GRIP1: variants seen among roughly 807,000 people sequenced by gnomAD.
GRIP1 encodes the protein glutamate receptor-interacting protein 1.
GRIP1 carries 45 observed loss-of-function variants against 129.9 expected under a neutral mutation model. The observed-to-expected ratio is 0.35, with a 90% CI of 0.27 to 0.44. GRIP1 has a LOEUF of 0.44. Ranked by LOEUF, GRIP1 falls within the 20% of genes least tolerant of loss-of-function variation. The pLI is 1.00. For missense variants in GRIP1, 1,196 were observed against 1,396.8 expected (o/e 0.86, Z 2.29); for synonymous variants, 530 against 520.8 (o/e 1.02, Z -0.24).
At chr12:66,492,695 T>C (rs1389411229) in intron 7 of GRIP1, among the ~76,000 whole-genome samples, 1 of 152,134 alleles carries the variant, frequency 6.6e-6, no homozygotes, top group East Asian at 1.9e-4. Context: ...GCAAATAAGT[T>C]GGATGTCAGA....
rs984412879 is a variant in GRIP1 at position 66,914,679 on chromosome 12, G to A, written c.58+154371C>T. On this transcript the variant is annotated intron_variant, in intron 1 of 1. Transcript: ENST00000643019. Reference sequence around the variant, plus strand: ...TGGCTCTTAGCCTTCCCTGTTTGGCGTTTCTCTGGTGAGGGGTTTGGTGGT... The same window carrying A: ...TGGCTCTTAGCCTTCCCTGTTTGGCATTTCTCTGGTGAGGGGTTTGGTGGT... Among the ~76,000 whole-genome samples the A allele has an allele frequency of 4.6e-5, 7 of 152,258 alleles. No individual in the cohort carries two copies. In the South Asian group the frequency reaches 6.2e-4, roughly 14 times the overall value.
intron 1 of GRIP1, among the ~76,000 whole-genome samples, chr12:66,674,627 A>G (rs2034238456): frequency 1.3e-5 from 2 of 152,184 alleles, no homozygotes; most frequent in Admixed American, 1.3e-4. Context: ...GAATAAGATT[A>G]CTGGTTGTCT....
intron 1 of GRIP1, among the ~76,000 whole-genome samples, chr12:66,700,560 G>A (rs919983279): frequency 4.6e-5 from 7 of 151,850 alleles, no homozygotes; most frequent in Non-Finnish European, 1.0e-4. Context: ...TGATCCTCCC[G>A]CCTCAGGCTC....
rs1168286132 is a variant in GRIP1 at position 66,723,264 on chromosome 12, C to T, written c.-420+80789G>A. 2.3e-4 allele frequency among the ~76,000 whole-genome samples: 2 copies of T among 8,568 alleles called. 1 individual carries two copies. The highest frequency in any genetic ancestry group is 1.3e-3 in the African/African-American group (2 of 1,572). The allele number at this position is 8,568 out of a possible 152,430, so 5.6% of individuals were successfully genotyped here. On this transcript the variant is annotated intron_variant, in intron 1 of 4. Transcript: ENST00000538373. ...TCTTCCTTCCTTCCTTCCTTCCTTC[C>T]TTCCTTCCTTCCTTCCTTCCTTTCT...
chr12:66,442,841 G>A (rs1378327527), intron 13 of GRIP1, among the ~76,000 whole-genome samples: 1 of 152,126 alleles, frequency 6.6e-6, no homozygotes, highest in African/African-American at 2.4e-5. Flanking sequence ...GGCAATATTT[G>A]TTAATTTTTA....
chr12:66,927,120 G>T (rs1450316329), intron 1 of GRIP1, among the ~76,000 whole-genome samples: 1 of 152,134 alleles, frequency 6.6e-6, no homozygotes, highest in East Asian at 1.9e-4. Context: ...TTTATTACTT[G>T]TCTATACCCT....
chr12:66,652,438 T>C (rs1167616212), intron 1 of GRIP1, among the ~76,000 whole-genome samples: 1 of 152,172 alleles, frequency 6.6e-6, no homozygotes, highest in Non-Finnish European at 1.5e-5. Flanking sequence ...GAACTGTGAG[T>C]CAATTAAACC....
At chr12:66,456,915 T>C (rs1158890941) in intron 9 of GRIP1, among the ~76,000 whole-genome samples, 1 of 152,228 alleles carries the variant, frequency 6.6e-6, no homozygotes, top group Non-Finnish European at 1.5e-5. Flanking sequence ...CATCTATCAG[T>C]ATCAGAATCT....
rs1185857958 is a variant in GRIP1, at chr12:66,509,329, T to A, written c.724+6290A>T. 2.6e-5 allele frequency among the ~76,000 whole-genome samples: 4 copies of A among 152,326 alleles called. No individual in the cohort carries two copies. The East Asian group carries it at 7.7e-4, about 29-fold the overall frequency. On this transcript the variant is annotated intron_variant, in intron 7 of 24. Transcript: ENST00000359742. ...GAGCACTTTACATGTATTCACTCAC[T>A]TCATCTTTTCATCAGTCCTATGAAG... is the stretch of plus-strand genomic sequence containing the variant.
At chr12:67,063,645 T>A (rs1279545564) in intron 1 of GRIP1, among the ~76,000 whole-genome samples, 1 of 152,242 alleles carries the variant, frequency 6.6e-6, no homozygotes, top group Non-Finnish European at 1.5e-5. Context: ...TATTATAATT[T>A]AATTGAAAAT....
chr12:66,897,935 T>C (rs2040778812), intron 1 of GRIP1, among the ~76,000 whole-genome samples: 1 of 152,130 alleles, frequency 6.6e-6, no homozygotes, highest in South Asian at 2.1e-4. Context: ...AGCCAAATCC[T>C]CGCAAAACAA....
chr12:66,606,931 A>G (rs996026103), intron 1 of GRIP1, among the ~76,000 whole-genome samples: 3 of 152,180 alleles, frequency 2.0e-5, no homozygotes, highest in African/African-American at 7.2e-5. Context: ...GCTTTAACAT[A>G]CGTATCTCTC....
chr12:66,583,650 T>C lies in GRIP1; in HGVS notation c.136+13197A>G, dbSNP rs535577465. 2.0e-4 allele frequency among the ~76,000 whole-genome samples: 28 copies of C among 139,726 alleles called. 2 individuals carry two copies. Among genetic ancestry groups the C allele is most frequent in the Non-Finnish European group, 1.7e-4 (11 of 62,932 alleles). 91.7% of individuals were successfully genotyped at this position (139,726 alleles called of 152,430 possible). On this transcript the variant is annotated intron_variant, in intron 2 of 24. Transcript: ENST00000359742. ...GACATTTACGCAGCCAAAAAACACATGAAAAAATGCTCATCATCACTGGCC... is the reference window on the plus strand; with the variant it reads ...GACATTTACGCAGCCAAAAAACACACGAAAAAATGCTCATCATCACTGGCC...
At chr12:66,522,231 A>G (rs1592476611) in intron 5 of GRIP1, among the ~76,000 whole-genome samples, 1 of 152,206 alleles carries the variant, frequency 6.6e-6, no homozygotes, top group Non-Finnish European at 1.5e-5. Flanking sequence ...CCCCGAGCAG[A>G]CTAACTGGGA....
intron 2 of GRIP1, among the ~76,000 whole-genome samples, chr12:66,564,604 T>C (rs896921053): frequency 8.5e-5 from 13 of 152,164 alleles, no homozygotes; most frequent in Non-Finnish European, 1.8e-4. Flanking sequence ...CATGTGTCTT[T>C]ATAGCAGCAT....
chr12:66,663,673 C>A (rs529628228), intron 1 of GRIP1, among the ~76,000 whole-genome samples: 93 of 152,270 alleles, frequency 6.1e-4, no homozygotes, highest in Admixed American at 3.5e-3. Flanking sequence ...TAGGAAAGAA[C>A]TTGTTAGGCT....
intron 1 of GRIP1, among the ~76,000 whole-genome samples, chr12:66,961,260 G>A (rs931114930): frequency 2.0e-5 from 3 of 152,012 alleles, no homozygotes; most frequent in Admixed American, 6.6e-5. Flanking sequence ...CAGGGGAGAC[G>A]GGTGTCAGGA....
intron 7 of GRIP1, among the ~76,000 whole-genome samples, chr12:66,477,443 G>C (rs1284853085): frequency 4.0e-5 from 6 of 151,790 alleles, no homozygotes; most frequent in Non-Finnish European, 8.8e-5. Flanking sequence ...CGTGAAAATG[G>C]CCATACTGCC....
chr12:66,583,891 A>T (rs1170459035), intron 2 of GRIP1, among the ~76,000 whole-genome samples: 2 of 136,590 alleles, frequency 1.5e-5, no homozygotes, highest in East Asian at 4.3e-4. Flanking sequence ...CATTTGATCC[A>T]GCCATCCCAT....
Sources: gnomAD v4.1 joint callset for allele counts (sites outside exome capture counted in the v4.1 genomes callset) on GRCh38, gnomAD v4.1.1 for gene constraint, MANE v1.5 for transcripts, NCBI Gene and HGNC (gene_info 2026-07-23, HGNC 2026-07-21) for gene names.